PLCB1: variants seen among roughly 807,000 people sequenced by gnomAD.
The protein encoded by PLCB1 is 1-phosphatidylinositol 4,5-bisphosphate phosphodiesterase beta-1.
In PLCB1, 46 loss-of-function variants were observed where a neutral mutation model predicts 161.8. That is an observed-to-expected ratio of 0.28 (90% CI 0.22 to 0.36). PLCB1 has a LOEUF of 0.36. PLCB1 is among the 10% of genes least tolerant of loss of function. The pLI, the probability that PLCB1 is intolerant of heterozygous loss-of-function variation, is 1.00. For synonymous variants in PLCB1, 517 were observed against 503.7 expected, an observed-to-expected ratio of 1.03 and a Z score of -0.35; for missense variants, 1,016 against 1,472.5, an observed-to-expected ratio of 0.69 and a Z score of 5.07.
In PLCB1 at chr20:8,733,249, C is replaced by T; in HGVS notation, c.1900C>T (p.Gln634Ter). 1 of 1,613,674 alleles carries T rather than the reference C, an allele frequency of 6.2e-7. No homozygotes were observed. The highest frequency in any genetic ancestry group is 8.5e-7 in the Non-Finnish European group (1 of 1,179,770). Residue 634 changes from glutamine (Q) to a stop codon, truncating the protein, a stop_gained, in exon 19 of 32, where the codon CAA (glutamine) becomes TAA (stop). Coordinates refer to ENST00000338037, the MANE Select transcript of PLCB1 (RefSeq NM_015192.4). LOFTEE classifies it high-confidence loss of function. ...TTTTTGATACTCAGACCTGGCTATGCAAATAAATATGGGGATGTATGAATA... is the reference window on the plus strand; with the variant it reads ...TTTTTGATACTCAGACCTGGCTATGTAAATAAATATGGGGATGTATGAATA... ...LNFQTMDLAM[Q>*]INMGMYEYNG...
intron 2 of PLCB1, among the ~76,000 whole-genome samples, chr20:8,205,785 G>C (rs2123134768): frequency 1.3e-5 from 2 of 152,236 alleles, no homozygotes; most frequent in South Asian, 4.1e-4. Flanking sequence ...CTGGATTAAA[G>C]TAGAATAGGG....
intron 14 of PLCB1, 78 bp downstream of exon 14, chr20:8,717,926 C>A: frequency 7.7e-7 from 1 of 1,296,058 alleles, no homozygotes; most frequent in Non-Finnish European, 1.0e-6. Flanking sequence ...CGTGGTGGCT[C>A]ATGCCTGTAA....
chr20:8,752,208 T>C lies in PLCB1; in HGVS notation c.2524-4838T>C, dbSNP rs147234399. 3.3e-5 allele frequency: 5 copies of C among 152,350 alleles called. No homozygotes were observed. In the East Asian group the frequency reaches 9.7e-4, roughly 29 times the overall value. 9.4% of individuals were successfully genotyped at this position (152,350 alleles called of 1,614,324 possible). A position where few individuals can be genotyped will look rare whatever the true frequency, so the allele number is the denominator to read the frequency against. On this transcript the variant is annotated intron_variant, in intron 23 of 31. Transcript: ENST00000338037. The stretch of plus-strand genomic sequence containing the variant: ...ATTACGGTTCCTTAAGCTGCTGTTA[T>C]CATAGAGTGGACTGCTGTAATAGAA...
At chr20:8,523,496 C>CTCTCTCTCTATA in intron 3 of PLCB1, among the ~76,000 whole-genome samples, 4 of 51,656 alleles carry the variant, frequency 7.7e-5, no homozygotes, top group East Asian at 4.0e-4. Context: ...CTCTCTCTCT[C>CTCTCTCTCTATA]TATATATATA....
chr20:8,383,772 G>C (rs4816061), intron 3 of PLCB1, among the ~76,000 whole-genome samples: 2 of 152,042 alleles, frequency 1.3e-5, no homozygotes, highest in South Asian at 4.1e-4. Context: ...TTTCTCCTTC[G>C]CTTATGAAGC....
Position 8,356,423 on chromosome 20 carries a change from A to C in PLCB1, c.178-14959A>C, listed in dbSNP as rs956668043. Among the ~76,000 whole-genome samples, 45 of 152,132 alleles carry C rather than the reference A, an allele frequency of 3.0e-4. 1 individual carries two copies. The highest frequency in any genetic ancestry group is 7.9e-4 in the Admixed American group (12 of 15,272). On this transcript the variant is annotated intron_variant, in intron 2 of 31. Coordinates refer to ENST00000338037, the MANE Select transcript of PLCB1 (RefSeq NM_015192.4). ...ATTTGTGTTTCTAGCGAGTAACCAGATGATGTGATGCTGCTGGTCCAGGGA... is the reference window on the plus strand; with the variant it reads ...ATTTGTGTTTCTAGCGAGTAACCAGCTGATGTGATGCTGCTGGTCCAGGGA...
intron 3 of PLCB1, among the ~76,000 whole-genome samples, chr20:8,443,828 C>G (rs147786872): frequency 6.6e-6 from 1 of 152,192 alleles, no homozygotes; most frequent in African/African-American, 2.4e-5. Context: ...TACAATAATT[C>G]TATTTCTATC....
intron 3 of PLCB1, among the ~76,000 whole-genome samples, chr20:8,509,729 CATAGATAG>C (rs11468649): frequency 0.47 from 68,762 of 147,628 alleles, 16,004 homozygotes; most frequent in Middle Eastern, 0.52. Flanking sequence ...ATAGGCAGAT[CATAGATAG>C]ATAGATAGAT....
intron 3 of PLCB1, among the ~76,000 whole-genome samples, chr20:8,614,566 T>G (rs2123180690): frequency 6.6e-6 from 1 of 150,580 alleles, no homozygotes; most frequent in South Asian, 2.1e-4. Context: ...TTTACTTTGA[T>G]TCTAGTTATG....
intron 1 of PLCB1, among the ~76,000 whole-genome samples, chr20:8,142,536 A>T (rs1164407096): frequency 1.3e-5 from 2 of 152,196 alleles, no homozygotes; most frequent in Non-Finnish European, 2.9e-5. Flanking sequence ...GAAGGTGATG[A>T]TGCTTAATGT....
chr20:8,661,978 TTA>T lies in PLCB1; in HGVS notation c.862+3281_862+3282del, dbSNP rs367699721. 2.1e-3 allele frequency among the ~76,000 whole-genome samples: 82 copies of T among 39,790 alleles called. 2 individuals are homozygous for T. The highest frequency in any genetic ancestry group is 6.2e-3 in the African/African-American group (74 of 11,874). 26.1% of individuals were successfully genotyped at this position (39,790 alleles called of 152,430 possible). On this transcript the variant is annotated intron_variant, in intron 9 of 31. Transcript: ENST00000338037. ...AATTATATAATTATTTATTATATAA[TTA>T]TATATAATTATATAATTATTTATTA... is the stretch of plus-strand genomic sequence containing the variant.
intron 2 of PLCB1, among the ~76,000 whole-genome samples, chr20:8,245,263 T>C (rs1980824329): frequency 6.6e-6 from 1 of 151,878 alleles, no homozygotes; most frequent in Non-Finnish European, 1.5e-5. Context: ...ATATGTAAGC[T>C]CATATAATAA....
intron 2 of PLCB1, among the ~76,000 whole-genome samples, chr20:8,157,647 A>G (rs962634822): frequency 6.6e-5 from 10 of 152,212 alleles, no homozygotes; most frequent in African/African-American, 2.4e-4. Context: ...TTATGTAGAC[A>G]CAACATACAA....
At chr20:8,874,365 A>G (rs1987708569) in intron 31 of PLCB1, among the ~76,000 whole-genome samples, 1 of 152,014 alleles carries the variant, frequency 6.6e-6, no homozygotes, top group South Asian at 2.1e-4. Flanking sequence ...TAACATAACC[A>G]TACAAAGAAT....
chr20:8,508,186 A>C (rs1367083945), intron 3 of PLCB1, among the ~76,000 whole-genome samples: 3 of 152,176 alleles, frequency 2.0e-5, no homozygotes, highest in Non-Finnish European at 4.4e-5. Flanking sequence ...GTCGCCTGTC[A>C]TGCTTCTACC....
chr20:8,550,529 T>C (rs930510373), intron 3 of PLCB1, among the ~76,000 whole-genome samples: 1 of 152,148 alleles, frequency 6.6e-6, no homozygotes, highest in African/African-American at 2.4e-5. Flanking sequence ...ATTGTAAGTT[T>C]CCTGAGGCCT....
At chr20:8,441,951 A>G (rs1023229623) in intron 3 of PLCB1, among the ~76,000 whole-genome samples, 3 of 152,258 alleles carry the variant, frequency 2.0e-5, no homozygotes, top group Non-Finnish European at 4.4e-5. Context: ...TCCATTTTCA[A>G]GAAACATACT....
chr20:8,506,744 G>T (rs912392000), intron 3 of PLCB1, among the ~76,000 whole-genome samples: 10 of 152,032 alleles, frequency 6.6e-5, no homozygotes, highest in Admixed American at 6.6e-4. Context: ...ACCCTTTACC[G>T]CAGTTTATCT....
intron 2 of PLCB1, among the ~76,000 whole-genome samples, chr20:8,293,219 T>A (rs1443072619): frequency 6.6e-6 from 1 of 152,190 alleles, no homozygotes; most frequent in African/African-American, 2.4e-5. Flanking sequence ...CAACACATAC[T>A]GTCAGTTATT....
Sources: gnomAD v4.1 joint callset for allele counts (sites outside exome capture counted in the v4.1 genomes callset) on GRCh38, gnomAD v4.1.1 for gene constraint, MANE v1.5 for transcripts, NCBI Gene and HGNC (gene_info 2026-07-23, HGNC 2026-07-21) for gene names.